VPS8: variants seen among roughly 807,000 people sequenced by gnomAD.
VPS8 encodes VPS8 subunit of CORVET complex.
Under a neutral mutation model 216.4 loss-of-function variants are expected in VPS8, and 129 were observed. That is an observed-to-expected ratio of 0.60 (90% CI 0.52 to 0.69). VPS8 has a LOEUF of 0.69. Ranked by LOEUF, VPS8 falls within the 30% of genes least tolerant of loss-of-function variation. VPS8 has a pLI of 0.00. For synonymous variants in VPS8, 571 were observed against 565.4 expected (o/e 1.01, Z -0.14); for missense variants, 1,531 against 1,683.5 (o/e 0.91, Z 1.59).
Position 185,028,968 on chromosome 3 carries a change from A to G in VPS8, c.4056+4579A>G, listed in dbSNP as rs1757752587. ...TTATGAGAAGTGAGGGGGAAAAGAA[A>G]TTTCTGGCTCTGATGACTAGAGGAA... On this transcript the variant is annotated intron_variant, in intron 46 of 47. Coordinates refer to ENST00000625842, the MANE Select transcript of VPS8 (RefSeq NM_001009921.3). Among the ~76,000 whole-genome samples the G allele has an allele frequency of 3.9e-5, 6 of 152,320 alleles. No homozygotes were observed. In the South Asian group the frequency reaches 1.2e-3, roughly 32 times the overall value.
intron 45 of VPS8, among the ~76,000 whole-genome samples, chr3:185,023,888 CTTA>C (rs1216118498): frequency 1.3e-5 from 2 of 152,114 alleles, no homozygotes; most frequent in Non-Finnish European, 2.9e-5. Context: ...TAAACATCCT[CTTA>C]TTATGGTTTG....
At chr3:184,968,815 T>A (rs1747847959) in intron 39 of VPS8, among the ~76,000 whole-genome samples, 1 of 152,190 alleles carries the variant, frequency 6.6e-6, no homozygotes, top group South Asian at 2.1e-4. Flanking sequence ...TTAACACACG[T>A]TTCTTAGAGA....
intron 22 of VPS8, among the ~76,000 whole-genome samples, chr3:184,892,529 A>G (rs929078053): frequency 1.3e-5 from 2 of 152,120 alleles, no homozygotes; most frequent in East Asian, 3.9e-4. Flanking sequence ...GCCTGTATGT[A>G]CTTTTCTATC....
intron 24 of VPS8, among the ~76,000 whole-genome samples, chr3:184,900,568 TC>T (rs1734301740): frequency 6.6e-6 from 1 of 152,248 alleles, no homozygotes; most frequent in Non-Finnish European, 1.5e-5. Context: ...CAGTTTAAAA[TC>T]ATCTCTATTA....
chr3:184,863,979 GATA>G (rs1450388330), intron 16 of VPS8, among the ~76,000 whole-genome samples: 1 of 152,072 alleles, frequency 6.6e-6, no homozygotes, highest in Non-Finnish European at 1.5e-5. Context: ...TTCACTAAGT[GATA>G]ATAATAATTA....
intron 46 of VPS8, among the ~76,000 whole-genome samples, chr3:185,028,977 T>C (rs1757752958): frequency 6.6e-6 from 1 of 152,200 alleles, no homozygotes; most frequent in Non-Finnish European, 1.5e-5. Flanking sequence ...AATTTCTGGC[T>C]CTGATGACTA....
chr3:184,816,391 A>G (rs1408401000), intron 1 of VPS8, among the ~76,000 whole-genome samples: 2 of 151,246 alleles, frequency 1.3e-5, no homozygotes, highest in East Asian at 3.9e-4. Context: ...CCTTCCCCTT[A>G]CTTTTCTTTT....
At chr3:184,904,950 G>A (rs1266840008) in intron 25 of VPS8, among the ~76,000 whole-genome samples, 1 of 152,164 alleles carries the variant, frequency 6.6e-6, no homozygotes, top group Non-Finnish European at 1.5e-5. Context: ...TTACAATTCT[G>A]GTGCCTGAGA....
chr3:184,874,555 T>G (rs1449945807), intron 21 of VPS8, among the ~76,000 whole-genome samples: 1 of 152,192 alleles, frequency 6.6e-6, no homozygotes, highest in African/African-American at 2.4e-5. Flanking sequence ...AAGACTTAGA[T>G]TCATTAGATT....
chr3:184,896,616 T>C (rs1733532758), intron 23 of VPS8, among the ~76,000 whole-genome samples: 2 of 152,216 alleles, frequency 1.3e-5, no homozygotes. Context: ...TTTCAATCCT[T>C]ATTTTATTTA....
chr3:184,895,187 T>TAG lies in VPS8; in HGVS notation c.2004+265_2004+266dup, dbSNP rs1156616265. Reference sequence around the variant, plus strand: ...TTCACATCCCCAGTAGCACTTGGTATAGAGTTTACATTTAGAAGTTGCTCT... The same window carrying TAG: ...TTCACATCCCCAGTAGCACTTGGTATAGAGAGTTTACATTTAGAAGTTGCTCT... On this transcript the variant is annotated intron_variant, in intron 23 of 47. Coordinates refer to ENST00000625842, the MANE Select transcript of VPS8 (RefSeq NM_001009921.3). 4.1e-4 allele frequency among the ~76,000 whole-genome samples: 62 copies of TAG among 152,342 alleles called. 1 individual carries two copies. Among genetic ancestry groups the TAG allele is most frequent in the Admixed American group, 3.6e-3 (55 of 15,298 alleles).
intron 40 of VPS8, 171 bp from the exon 41 acceptor site, chr3:184,982,395 T>A: frequency 1.7e-6 from 1 of 577,262 alleles, no homozygotes; most frequent in South Asian, 2.3e-5. Context: ...TGTCTTTTTT[T>A]TTTTTTGCCC....
At chr3:184,867,589 T>A (rs2108761699) in intron 17 of VPS8, among the ~76,000 whole-genome samples, 1 of 152,342 alleles carries the variant, frequency 6.6e-6, no homozygotes, top group South Asian at 2.1e-4. Context: ...CTCACACCTG[T>A]AATCCCAGCA....
intron 46 of VPS8, among the ~76,000 whole-genome samples, chr3:185,026,940 A>G (rs1335881886): frequency 6.6e-6 from 1 of 151,598 alleles, no homozygotes; most frequent in African/African-American, 2.4e-5. Context: ...CAATCTCCTG[A>G]CTTCGTGATC....
intron 1 of VPS8, among the ~76,000 whole-genome samples, chr3:184,814,856 T>G (rs1715964451): frequency 6.6e-6 from 1 of 152,278 alleles, no homozygotes; most frequent in African/African-American, 2.4e-5. Flanking sequence ...GTAACTTTTA[T>G]GTTATAAACT....
intron 45 of VPS8, among the ~76,000 whole-genome samples, chr3:185,017,718 C>G (rs1331497154): frequency 1.3e-5 from 2 of 152,180 alleles, no homozygotes; most frequent in African/African-American, 4.8e-5. Flanking sequence ...AGGCTCACAG[C>G]TTTTGTGCAG....
intron 35 of VPS8, among the ~76,000 whole-genome samples, chr3:184,936,627 A>G (rs1741689825): frequency 6.6e-6 from 1 of 151,764 alleles, no homozygotes; most frequent in Non-Finnish European, 1.5e-5. Context: ...GTGCATACAA[A>G]TATGAGCTTC....
chr3:184,992,322 A>G (rs1656583991), intron 42 of VPS8, among the ~76,000 whole-genome samples: 1 of 152,168 alleles, frequency 6.6e-6, no homozygotes, highest in South Asian at 2.1e-4. Flanking sequence ...CGTGTTTTCC[A>G]GCAATCATTA....
intron 46 of VPS8, among the ~76,000 whole-genome samples, chr3:185,044,481 T>C (rs6765821): frequency 0.48 from 73,148 of 151,956 alleles, 17,925 homozygotes; most frequent in East Asian, 0.67. Flanking sequence ...ATCGATAAAG[T>C]GAGCCGCTGC....
Sources: allele counts gnomAD v4.1 joint callset (sites outside exome capture counted in the v4.1 genomes callset), GRCh38; gene constraint gnomAD v4.1.1; transcripts MANE v1.5; gene names NCBI Gene and HGNC (gene_info 2026-07-23, HGNC 2026-07-21).